Variants in KLHL31 observed in about 807,000 individuals in gnomAD.
The protein encoded by KLHL31 is kelch like family member 31, also known as kelch-like protein 31.
A neutral mutation model predicts 47.1 loss-of-function variants in KLHL31; 32 were observed. That is an observed-to-expected ratio of 0.68 (90% CI 0.51 to 0.91). The LOEUF (loss-of-function observed/expected upper bound fraction) is 0.91, where lower values mean the gene tolerates loss of function less well. Ranked by LOEUF, KLHL31 falls within the 40% of genes least tolerant of loss-of-function variation. The pLI is 0.00. For synonymous variants in KLHL31, 330 were observed against 325.1 expected, an observed-to-expected ratio of 1.01 and a Z score of -0.16; for missense variants, 797 against 819.3, an observed-to-expected ratio of 0.97 and a Z score of 0.33.
At position 53,652,208 on chromosome 6, in the gene KLHL31, C is replaced by G; in HGVS notation, c.1295G>C (p.Ser432Thr). 6.2e-7 allele frequency: 1 copy of G among 1,613,144 alleles called. No homozygotes were observed. The highest frequency in any genetic ancestry group is 8.5e-7 in the Non-Finnish European group (1 of 1,180,032). ...YAAGGRNAEG[S>T]LASLECYVPS... Reference sequence around the variant, plus strand: ...CACGTAGCACTCCAGCGAGGCCAGGCTTCCTTCTGCGTTGCGGCCGCCCGC... The same window carrying G: ...CACGTAGCACTCCAGCGAGGCCAGGGTTCCTTCTGCGTTGCGGCCGCCCGC... Residue 432 changes from serine (S) to threonine (T), a missense_variant, in exon 3 of 3, where the codon AGC (serine) becomes ACC (threonine). Coordinates refer to ENST00000370905, the MANE Select transcript of KLHL31 (RefSeq NM_001003760.5).
rs746095276 is a variant in KLHL31, at chr6:53,654,583, C to T, written c.690G>A (p.Glu230=). ...LIDDDLQLPS[E]IVAFQIAMKW... is the part of the protein sequence containing the mutation. ...TCATTGCAATCTGGAATGCTACTAT[C>T]TCAGAAGGCAACTGTAAGTCATCAT... The change falls in exon 2 of 3, where the codon GAG becomes GAA. Residue 230 remains glutamate, a synonymous_variant. Transcript: ENST00000370905. 3.0e-5 allele frequency: 49 copies of T among 1,613,840 alleles called. No individual in the cohort carries two copies. Among genetic ancestry groups the T allele is most frequent in the Non-Finnish European group, 4.0e-5 (47 of 1,179,854 alleles).
Position 53,650,272 on chromosome 6 carries a change from A to C in KLHL31, c.*1326T>G, listed in dbSNP as rs180725269. 1.3e-5 allele frequency: 2 copies of C among 152,360 alleles called. No individual in the cohort carries two copies. Among genetic ancestry groups the C allele is most frequent in the Non-Finnish European group, 2.9e-5 (2 of 68,028 alleles). The allele number at this position is 152,360 out of a possible 1,614,324, so 9.4% of individuals were successfully genotyped here. A position where few individuals can be genotyped will look rare whatever the true frequency, so the allele number is the denominator to read the frequency against. On this transcript the variant is annotated 3_prime_UTR_variant, in exon 3 of 3. Coordinates refer to ENST00000370905, the MANE Select transcript of KLHL31 (RefSeq NM_001003760.5). ...AAGTGATAAATTATAAAAAAGGAAAATATGTATCATTTACTACAGTCATTC... is the reference window on the plus strand; with the variant it reads ...AAGTGATAAATTATAAAAAAGGAAACTATGTATCATTTACTACAGTCATTC...
chr6:53,660,048 T>C (rs1480488236), intron 1 of KLHL31, among the ~76,000 whole-genome samples: 1 of 152,190 alleles, frequency 6.6e-6, no homozygotes. Context: ...GGGTGATACA[T>C]TAGCTAGTCT....
Position 53,651,419 on chromosome 6 carries a change from A to AAAAAAAAAAAAAAAAT in KLHL31, c.*178_*179insATTTTTTTTTTTTTTT, listed in dbSNP as rs3996983. ...TTTGCTAAAAAAAAAAAAAAAAAAAAGAGGTAGATTATGCCATACCAGGAA... is the reference window on the plus strand; with the variant it reads ...TTTGCTAAAAAAAAAAAAAAAAAAAAAAAAAAAAAAAAAAATGAGGTAGATTATGCCATACCAGGAA... On this transcript the variant is annotated 3_prime_UTR_variant, in exon 3 of 3. Transcript: ENST00000370905. 4 of 358,180 alleles carry AAAAAAAAAAAAAAAAT rather than the reference A, an allele frequency of 1.1e-5. No homozygotes were observed. Among genetic ancestry groups the AAAAAAAAAAAAAAAAT allele is most frequent in the South Asian group, 7.4e-5 (1 of 13,568 alleles). 22.2% of individuals were successfully genotyped at this position (358,180 alleles called of 1,614,324 possible).
In KLHL31 at chr6:53,654,815, T is replaced by C. The variant is rs563154042; in HGVS notation, c.458A>G (p.His153Arg). 520 of 1,614,098 alleles carry C rather than the reference T, an allele frequency of 3.2e-4. 6 individuals are homozygous for C. In the South Asian group the frequency reaches 5.4e-3, roughly 17 times the overall value. Residue 153 changes from histidine (H) to arginine (R), a missense_variant, in exon 2 of 3, where the codon CAT becomes CGT. Transcript: ENST00000370905. ...ATCACTGCACATCTTTACAAGAGTATGGATCTGAAGATAAACAGCAGCAGA... is the reference window on the plus strand; with the variant it reads ...ATCACTGCACATCTTTACAAGAGTACGGATCTGAAGATAAACAGCAGCAGA... ...IISAAVYLQI[H>R]TLVKMCSDFL...
intron 2 of KLHL31, among the ~76,000 whole-genome samples, chr6:53,653,174 T>C (rs539730879): frequency 2.0e-5 from 3 of 152,342 alleles, no homozygotes; most frequent in African/African-American, 7.2e-5. Context: ...CCTGTTGACA[T>C]AGTTCAGAAG....
At chr6:53,657,468 A>G (rs1581789823) in intron 1 of KLHL31, among the ~76,000 whole-genome samples, 1 of 152,224 alleles carries the variant, frequency 6.6e-6, no homozygotes, top group East Asian at 1.9e-4. Context: ...ACCTTTCTAT[A>G]GCAGTACATG....
At chr6:53,658,627 A>G (rs1343611377) in intron 1 of KLHL31, among the ~76,000 whole-genome samples, 6 of 152,112 alleles carry the variant, frequency 3.9e-5, no homozygotes, top group Non-Finnish European at 8.8e-5. Flanking sequence ...TAGCTATTTG[A>G]CTATTTCAAT....
Position 53,654,684 on chromosome 6 carries a change from C to T in KLHL31, c.589G>A (p.Asp197Asn). The stretch of plus-strand genomic sequence containing the variant: ...GATTCTGCAAATTCAAGGAAGTTAT[C>T]CCGAATAAATTTCTGGGCTGCTGCT... ...AKAAAQKFIR[D>N]NFLEFAESDQ... Residue 197 changes from aspartate (D) to asparagine (N), a missense_variant, in exon 2 of 3, where the codon GAT (aspartate) becomes AAT (asparagine). By Grantham distance (23) the Asp-to-Asn change is conservative. Transcript: ENST00000370905. The T allele has an allele frequency of 6.2e-7, 1 of 1,614,164 alleles. No homozygotes were observed. Among genetic ancestry groups the T allele is most frequent in the Non-Finnish European group, 8.5e-7 (1 of 1,180,014 alleles).
rs1764533277 is a variant in KLHL31 at position 53,654,856 on chromosome 6, T to C, written c.417A>G (p.Thr139=). ...CAGCAGCAGAAATAATGCTTCCTAT[T>C]GTATACAAGGAGAGAGTGAGCTTTC... ...YTGKLTLSLY[T]IGSIISAAVY... is the part of the protein sequence containing the mutation. Residue 139 remains threonine, a synonymous_variant, in exon 2 of 3, where the codon ACA becomes ACG. Transcript: ENST00000370905. 9 of 1,614,204 alleles carry C rather than the reference T, an allele frequency of 5.6e-6. No individual in the cohort carries two copies. Among genetic ancestry groups the C allele is most frequent in the Non-Finnish European group, 7.6e-6 (9 of 1,180,034 alleles).
chr6:53,655,879 T>A (rs1764554775), intron 1 of KLHL31, among the ~76,000 whole-genome samples: 1 of 152,140 alleles, frequency 6.6e-6, no homozygotes, highest in Admixed American at 6.5e-5. Flanking sequence ...AGTGTTGGGA[T>A]TACAGATGTG....
chr6:53,660,293 T>C (rs1764626570), intron 1 of KLHL31, among the ~76,000 whole-genome samples: 1 of 152,208 alleles, frequency 6.6e-6, no homozygotes, highest in African/African-American at 2.4e-5. Flanking sequence ...TAATGTTCTA[T>C]AAATATCAAT....
In KLHL31 at chr6:53,655,152, T is replaced by C; in HGVS notation, c.121A>G (p.Asn41Asp). 6.2e-7 allele frequency: 1 copy of C among 1,614,184 alleles called. No homozygotes were observed. The highest frequency in any genetic ancestry group is 8.5e-7 in the Non-Finnish European group (1 of 1,180,018). The stretch of plus-strand genomic sequence containing the variant: ...TCAGAAGAAATGCAGCTAAGGCCAT[T>C]GCCTCCCTCTAGGAGCCCATTCAAA... The part of the protein sequence containing the change: ...NALNGLLEGG[N>D]GLSCISSELT... Residue 41 changes from asparagine to aspartate, a missense_variant, in exon 2 of 3, where the codon AAT (asparagine) becomes GAT (aspartate). Coordinates refer to ENST00000370905, the MANE Select transcript of KLHL31 (RefSeq NM_001003760.5).
chr6:53,651,766 C>T lies in KLHL31; in HGVS notation c.1737G>A (p.Lys579=), dbSNP rs773046924. Residue 579 remains lysine (K), a synonymous_variant, in exon 3 of 3, where the codon AAG becomes AAA. Coordinates refer to ENST00000370905, the MANE Select transcript of KLHL31 (RefSeq NM_001003760.5). ...TGAAGCACTGGATGCACTTCTTGTA[C>T]TTCTTCTCGCCCTCGTTCCAGCCCC... ...LVGGWNEGEK[K]YKKCIQCFSP... is the part of the protein sequence containing the mutation. 1.2e-5 allele frequency: 19 copies of T among 1,613,874 alleles called. No homozygotes were observed. The East Asian group carries it at 4.0e-4, about 34-fold the overall frequency.
chr6:53,653,759 C>A (rs1581787454), intron 2 of KLHL31, among the ~76,000 whole-genome samples: 1 of 152,240 alleles, frequency 6.6e-6, no homozygotes, highest in East Asian at 1.9e-4. Context: ...TATCAAAAGT[C>A]AGTGTATTGT....
rs1257103166 is a variant in KLHL31, at chr6:53,652,044, C to T, written c.1459G>A (p.Asp487Asn). 6.3e-7 allele frequency: 1 copy of T among 1,593,506 alleles called. No homozygotes were observed. The highest frequency in any genetic ancestry group is 1.1e-5 in the South Asian group (1 of 89,966). ...NAYSRSVCAY[D>N]PASDSWQELP... ...TCCTGCCACGAGTCGCTGGCCGGGTCGTAGGCGCACACAGAGCGCGAGTAG... is the reference window on the plus strand; with the variant it reads ...TCCTGCCACGAGTCGCTGGCCGGGTTGTAGGCGCACACAGAGCGCGAGTAG... Residue 487 changes from aspartate to asparagine, a missense_variant, in exon 3 of 3, where the codon GAC (aspartate) becomes AAC (asparagine). Physicochemically the swap from Asp to Asn is conservative, Grantham distance 23. Coordinates refer to ENST00000370905, the MANE Select transcript of KLHL31 (RefSeq NM_001003760.5).
In KLHL31 at chr6:53,647,984, T is replaced by A. The variant is rs923340134; in HGVS notation, c.*3614A>T. The A allele has an allele frequency of 2.6e-5, 4 of 152,638 alleles. No homozygotes were observed. Among genetic ancestry groups the A allele is most frequent in the Non-Finnish European group, 5.9e-5 (4 of 68,028 alleles). The allele number at this position is 152,638 out of a possible 1,614,324, so 9.5% of individuals were successfully genotyped here. On this transcript the variant is annotated 3_prime_UTR_variant, in exon 3 of 3. Coordinates refer to ENST00000370905, the MANE Select transcript of KLHL31 (RefSeq NM_001003760.5). ...CAAAATAACACTACATACATTTTAGTTTGTTGTTCCTTATATAGTACCAGA... is the reference window on the plus strand; with the variant it reads ...CAAAATAACACTACATACATTTTAGATTGTTGTTCCTTATATAGTACCAGA...
Position 53,655,080 on chromosome 6 carries a change from T to C in KLHL31, c.193A>G (p.Lys65Glu). 6.2e-7 allele frequency: 1 copy of C among 1,614,084 alleles called. No individual in the cohort carries two copies. The highest frequency in any genetic ancestry group is 8.5e-7 in the Non-Finnish European group (1 of 1,179,996). ...CATAGGAAGTTCTCCTGCCGCATTT[T>C]ACTTAAACCTTCCAAGAGGTTGGGG... ...YGPNLLEGLS[K>E]MRQENFLCDL... Residue 65 changes from lysine to glutamate, a missense_variant, in exon 2 of 3, where the codon AAA becomes GAA. Transcript: ENST00000370905.
At position 53,655,106 on chromosome 6, in the gene KLHL31, C is replaced by T; in HGVS notation, c.167G>A (p.Gly56Asp). ...ACTTAAACCTTCCAAGAGGTTGGGGCCATAAGAAGCATCTGTTAGTTCAGA... is the reference window on the plus strand; with the variant it reads ...ACTTAAACCTTCCAAGAGGTTGGGGTCATAAGAAGCATCTGTTAGTTCAGA... Reference protein sequence around the residue: ...ISSELTDASYGPNLLEGLSKM... With the variant: ...ISSELTDASYDPNLLEGLSKM... The change falls in exon 2 of 3, where the codon GGC becomes GAC. Residue 56 changes from glycine (G) to aspartate (D), a missense_variant. Gly to Asp is a moderately conservative substitution (Grantham distance 94, BLOSUM62 -1). Coordinates refer to ENST00000370905, the MANE Select transcript of KLHL31 (RefSeq NM_001003760.5). 1 of 1,614,156 alleles carries T rather than the reference C, an allele frequency of 6.2e-7. No homozygotes were observed. Among genetic ancestry groups the T allele is most frequent in the East Asian group, 2.2e-5 (1 of 44,888 alleles).
Sources: allele counts gnomAD v4.1 joint callset (sites outside exome capture counted in the v4.1 genomes callset), GRCh38; gene constraint gnomAD v4.1.1; transcripts MANE v1.5; gene names NCBI Gene and HGNC (gene_info 2026-07-23, HGNC 2026-07-21).